SVOP: variants seen among roughly 807,000 people sequenced by gnomAD.
The protein encoded by SVOP is synaptic vesicle 2-related protein.
A neutral mutation model predicts 69.1 loss-of-function variants in SVOP; 17 were observed. The ratio of observed to expected loss-of-function variants is 0.25; its 90% CI spans 0.17 to 0.37. The LOEUF (loss-of-function observed/expected upper bound fraction) is 0.37. Ranked by LOEUF, SVOP falls within the 10% of genes least tolerant of loss-of-function variation. The pLI is 1.00. For missense variants in SVOP, 435 were observed against 597.5 expected (o/e 0.73, Z 2.84); for synonymous variants, 238 against 238.6 (o/e 1.00, Z 0.02).
intron 3 of SVOP, 164 bp downstream of exon 3, chr12:108,978,414 T>A: frequency 1.8e-6 from 1 of 567,974 alleles, no homozygotes. Context: ...CAAGCACAGA[T>A]CTCGTTATCA....
At chr12:109,010,890 G>A (rs1277036997) in intron 1 of SVOP, among the ~76,000 whole-genome samples, 10 of 151,478 alleles carry the variant, frequency 6.6e-5, no homozygotes, top group Admixed American at 3.3e-4. Flanking sequence ...AAGTGAAGGG[G>A]TGTGAACAGC....
At chr12:108,984,389 C>A (rs1303485044) in intron 1 of SVOP, among the ~76,000 whole-genome samples, 1 of 152,166 alleles carries the variant, frequency 6.6e-6, no homozygotes, top group Non-Finnish European at 1.5e-5. Context: ...AGTAGAATAT[C>A]TCGCTGTCTG....
At chr12:108,985,829 G>T (rs932649523) in intron 1 of SVOP, among the ~76,000 whole-genome samples, 1 of 152,194 alleles carries the variant, frequency 6.6e-6, no homozygotes, top group African/African-American at 2.4e-5. Flanking sequence ...ATTAACGATT[G>T]CATCATTCCA....
intron 12 of SVOP, among the ~76,000 whole-genome samples, chr12:108,921,500 C>A (rs1340481952): frequency 6.6e-6 from 1 of 152,226 alleles, no homozygotes; most frequent in African/African-American, 2.4e-5. Context: ...GGGTATCAAG[C>A]AGTTGCCCAC....
chr12:108,923,029 G>C (rs1240519665), intron 11 of SVOP, among the ~76,000 whole-genome samples: 1 of 152,212 alleles, frequency 6.6e-6, no homozygotes, highest in African/African-American at 2.4e-5. Flanking sequence ...ACCATGTAAA[G>C]GGATTGAGAG....
chr12:108,921,699 A>T (rs2137390881), intron 12 of SVOP, among the ~76,000 whole-genome samples: 1 of 152,258 alleles, frequency 6.6e-6, no homozygotes. Context: ...TTGCTTTTAG[A>T]TACAGACACT....
At chr12:108,974,173 G>C (rs2040094298) in intron 4 of SVOP, among the ~76,000 whole-genome samples, 1 of 152,054 alleles carries the variant, frequency 6.6e-6, no homozygotes, top group Non-Finnish European at 1.5e-5. Flanking sequence ...TAGTCATTCA[G>C]GAAAAGTGAC....
intron 2 of SVOP, among the ~76,000 whole-genome samples, chr12:108,980,901 G>T (rs1047943857): frequency 2.8e-4 from 43 of 152,188 alleles, no homozygotes; most frequent in African/African-American, 9.4e-4. Context: ...CTCCAGCCTG[G>T]GTGACAGAGT....
At chr12:108,941,684 CAG>C (rs1439263405) in intron 7 of SVOP, among the ~76,000 whole-genome samples, 1 of 150,724 alleles carries the variant, frequency 6.6e-6, no homozygotes. Context: ...TTTTTTGAGA[CAG>C]AGTCTTGCTC....
intron 11 of SVOP, among the ~76,000 whole-genome samples, 153 bp from the exon 12 acceptor site, chr12:108,922,950 C>G (rs898127321): frequency 6.6e-6 from 1 of 152,202 alleles, no homozygotes; most frequent in African/African-American, 2.4e-5. Flanking sequence ...GTTTGAACAC[C>G]AAGCCGCAGT....
intron 7 of SVOP, among the ~76,000 whole-genome samples, chr12:108,943,414 G>C (rs146297784): frequency 1.3e-5 from 2 of 151,238 alleles, no homozygotes; most frequent in African/African-American, 4.9e-5. Context: ...TGGCCAAGAT[G>C]GTAAAACTTG....
intron 13 of SVOP, among the ~76,000 whole-genome samples, chr12:108,918,782 T>C (rs949932922): frequency 9.9e-5 from 15 of 152,194 alleles, no homozygotes; most frequent in African/African-American, 3.6e-4. Context: ...TTAACATATA[T>C]ATAAATAGCT....
chr12:108,916,950 T>C (rs930509438), intron 14 of SVOP, among the ~76,000 whole-genome samples: 7 of 152,330 alleles, frequency 4.6e-5, no homozygotes, highest in Admixed American at 3.9e-4. Flanking sequence ...TTTCACCATG[T>C]TACCCAGGTT....
chr12:108,957,549 G>T (rs1014822998), intron 6 of SVOP, among the ~76,000 whole-genome samples: 1 of 152,180 alleles, frequency 6.6e-6, no homozygotes, highest in South Asian at 2.1e-4. Context: ...AAGAGTCACC[G>T]TGGGCTCCTT....
At chr12:109,020,756 C>CA (rs1555254163) in intron 1 of SVOP, 78 bp downstream of exon 1, 7 of 284,938 alleles carry the variant, frequency 2.5e-5, no homozygotes, top group Non-Finnish European at 3.4e-5. Flanking sequence ...AGAGATGTAC[C>CA]CCCCCCCACC....
chr12:108,955,027 A>C (rs776896489), intron 6 of SVOP, among the ~76,000 whole-genome samples: 42 of 152,334 alleles, frequency 2.8e-4, no homozygotes, highest in Non-Finnish European at 5.1e-4. Flanking sequence ...TCACAAAAAG[A>C]AAAGATTTAT....
chr12:108,993,307 T>TA (rs2040212784), intron 1 of SVOP, among the ~76,000 whole-genome samples: 2 of 150,112 alleles, frequency 1.3e-5, no homozygotes, highest in African/African-American at 2.5e-5. Flanking sequence ...GGTGCCCAGC[T>TA]GCAAGACCCC....
chr12:108,978,312 T>C (rs1175555903), intron 3 of SVOP: 11 of 421,020 alleles, frequency 2.6e-5, no homozygotes, highest in Non-Finnish European at 4.3e-6. Flanking sequence ...AATCTCATAG[T>C]AGCCCTGAGC....
intron 7 of SVOP, among the ~76,000 whole-genome samples, chr12:108,942,750 A>T (rs2039899669): frequency 6.6e-6 from 1 of 152,168 alleles, no homozygotes; most frequent in South Asian, 2.1e-4. Flanking sequence ...TAAATAGTCC[A>T]TTATTTATTT....
Sources: gnomAD v4.1 joint callset for allele counts (sites outside exome capture counted in the v4.1 genomes callset) on GRCh38, gnomAD v4.1.1 for gene constraint, MANE v1.5 for transcripts, NCBI Gene and HGNC (gene_info 2026-07-23, HGNC 2026-07-21) for gene names.